Variants in AKR1B15 observed in about 807,000 individuals in gnomAD.
AKR1B15 encodes aldo-keto reductase family 1 member B15, also known as estradiol 17-beta-dehydrogenase AKR1B15.
Under a neutral mutation model 38.5 loss-of-function variants are expected in AKR1B15, and 49 were observed. The observed-to-expected ratio is 1.27, with a 90% CI of 1.01 to 1.62. The LOEUF is 1.62. Among genes scored for constraint, AKR1B15 ranks in the 40% most tolerant of loss-of-function variants. The probability of loss-of-function intolerance (pLI) is 0.00; values close to 1 mark genes in which losing one functional copy is unlikely to be tolerated. For missense variants in AKR1B15, 411 were observed against 381.6 expected (o/e 1.08, Z -0.64); for synonymous variants, 137 against 135.5 (o/e 1.01, Z -0.08).
At chr7:134,575,068 TA>T (rs920416708) in intron 6 of AKR1B15, among the ~76,000 whole-genome samples, 3 of 152,380 alleles carry the variant, frequency 2.0e-5, no homozygotes, top group African/African-American at 7.2e-5. Context: ...AATCATCTCA[TA>T]AGCTTACAAA....
intron 5 of AKR1B15, among the ~76,000 whole-genome samples, chr7:134,571,285 G>T (rs544175373): frequency 6.6e-6 from 1 of 152,312 alleles, no homozygotes; most frequent in African/African-American, 2.4e-5. Flanking sequence ...CAGTGATACT[G>T]AAATGAAAGT....
intron 2 of AKR1B15, among the ~76,000 whole-genome samples, chr7:134,564,361 CT>C (rs1794485701): frequency 6.6e-6 from 1 of 152,206 alleles, no homozygotes; most frequent in Non-Finnish European, 1.5e-5. Context: ...GGCTCTGCAT[CT>C]TTTTAGGGGA....
chr7:134,562,898 C>A (rs1006205699), intron 2 of AKR1B15, among the ~76,000 whole-genome samples: 3 of 135,084 alleles, frequency 2.2e-5, no homozygotes, highest in African/African-American at 5.7e-5. Flanking sequence ...TTCCTTCTTT[C>A]TTCCTTCCTT....
chr7:134,563,219 A>G (rs1047542626), intron 2 of AKR1B15, among the ~76,000 whole-genome samples: 3 of 152,170 alleles, frequency 2.0e-5, no homozygotes, highest in African/African-American at 7.2e-5. Context: ...TGGACAGGGC[A>G]GGGAAGCTAC....
chr7:134,570,479 G>C (rs1794645266), intron 5 of AKR1B15: 1 of 152,146 alleles, frequency 6.6e-6, no homozygotes, highest in South Asian at 2.1e-4. Flanking sequence ...TTTGTAGCTT[G>C]AGGGCATCAT....
intron 3 of AKR1B15, among the ~76,000 whole-genome samples, chr7:134,565,940 T>A (rs1794523670): frequency 6.6e-6 from 1 of 152,092 alleles, no homozygotes; most frequent in Non-Finnish European, 1.5e-5. Flanking sequence ...TGGCACCACT[T>A]TGCAGATCAC....
chr7:134,567,951 T>G (rs1794577223), intron 3 of AKR1B15, among the ~76,000 whole-genome samples: 1 of 152,094 alleles, frequency 6.6e-6, no homozygotes, highest in African/African-American at 2.4e-5. Context: ...AAGCCTTGGT[T>G]TGGAGAAACT....
intron 2 of AKR1B15, among the ~76,000 whole-genome samples, chr7:134,557,107 C>T (rs1454378427): frequency 6.6e-6 from 1 of 152,162 alleles, no homozygotes; most frequent in Non-Finnish European, 1.5e-5. Flanking sequence ...GAAAGTAACA[C>T]CACCTTTCTC....
chr7:134,557,622 A>C (rs1315894777), intron 2 of AKR1B15, among the ~76,000 whole-genome samples: 5 of 152,170 alleles, frequency 3.3e-5, no homozygotes, highest in Non-Finnish European at 7.3e-5. Context: ...ACTTTGTGAT[A>C]ATTTAAGCCC....
At chr7:134,564,844 G>A (rs1243764699) in intron 3 of AKR1B15, 75 bp downstream of exon 3, 2 of 531,016 alleles carry the variant, frequency 3.8e-6, no homozygotes, top group African/African-American at 3.9e-5. Flanking sequence ...GGATTGAGAG[G>A]TGAAGCCAGC....
intron 3 of AKR1B15, 112 bp from the exon 4 acceptor site, chr7:134,568,046 G>A: frequency 7.6e-7 from 1 of 1,323,092 alleles, no homozygotes; most frequent in Non-Finnish European, 1.1e-6. Flanking sequence ...CTACTCAGGA[G>A]TTGGGAGGAT....
intron 1 of AKR1B15, among the ~76,000 whole-genome samples, chr7:134,551,492 C>T (rs1793976120): frequency 6.6e-6 from 1 of 152,204 alleles, no homozygotes; most frequent in Non-Finnish European, 1.5e-5. Context: ...TCCCTTTTCA[C>T]CTCTGAAGAG....
intron 11 of AKR1B15, among the ~76,000 whole-genome samples, chr7:134,578,411 A>C (rs1794810180): frequency 6.6e-6 from 1 of 152,184 alleles, no homozygotes; most frequent in Non-Finnish European, 1.5e-5. Context: ...TTGTGTTTAG[A>C]GCATTCAAGC....
At chr7:134,569,374 T>C in intron 4 of AKR1B15, 39 bp from the exon 5 acceptor site, 1 of 1,611,202 alleles carries the variant, frequency 6.2e-7, no homozygotes, top group Non-Finnish European at 8.5e-7. Flanking sequence ...GGCCCTTCCT[T>C]TTCCCAGTAT....
At chr7:134,564,549 C>A in intron 2 of AKR1B15, 49 bp from the exon 3 acceptor site, 1 of 654,166 alleles carries the variant, frequency 1.5e-6, no homozygotes, top group East Asian at 2.9e-5. Context: ...CTATTACTCA[C>A]CTTTGGGCCC....
chr7:134,575,366 A>G (rs1794744526), intron 6 of AKR1B15, 54 bp from the exon 7 acceptor site: 1 of 1,581,978 alleles, frequency 6.3e-7, no homozygotes, highest in Non-Finnish European at 8.6e-7. Context: ...AAGGCAAGCC[A>G]GGGTCCCTGT....
At position 134,576,997 on chromosome 7, in the gene AKR1B15, C is replaced by T. The variant is rs531864361; in HGVS notation, c.860C>T (p.Thr287Ile). 1.1e-5 allele frequency: 17 copies of T among 1,613,928 alleles called. No homozygotes were observed. Among genetic ancestry groups the T allele is most frequent in the Admixed American group, 3.3e-5 (2 of 60,014 alleles). ...LIRFHIQRNV[T>I]VIPKSMTPAH... ...CGTTTCCATATCCAGAGGAATGTGA[C>T]AGTGATCCCCAAGTCTATGACACCA... The change falls in exon 10 of 12, where the codon ACA becomes ATA. Residue 287 changes from threonine (T) to isoleucine (I), a missense_variant. Physicochemically the swap from Thr to Ile is moderately conservative, Grantham distance 89. This residue lies in a region of AKR1B15 where 133 missense variants were observed against 120.3 expected (regional missense o/e 1.11). Transcript: ENST00000457545.
chr7:134,560,402 C>T (rs1056103598), intron 2 of AKR1B15, among the ~76,000 whole-genome samples: 4 of 152,200 alleles, frequency 2.6e-5, no homozygotes, highest in African/African-American at 9.6e-5. Context: ...CCAGCTGATA[C>T]CACGTGGTTC....
At chr7:134,573,372 T>C (rs1405438153) in intron 6 of AKR1B15, 12 of 985,404 alleles carry the variant, frequency 1.2e-5, no homozygotes, top group Non-Finnish European at 1.4e-5. Flanking sequence ...TTAGCTCCTA[T>C]GATGATATGA....
Sources: gnomAD v4.1 joint callset for allele counts (sites outside exome capture counted in the v4.1 genomes callset) on GRCh38, gnomAD v4.1.1 for gene constraint, gnomAD v4.1.1 regional missense constraint, MANE v1.5 for transcripts, NCBI Gene and HGNC (gene_info 2026-07-23, HGNC 2026-07-21) for gene names.